Variants in SHROOM2 observed in about 807,000 individuals in gnomAD.
SHROOM2 encodes shroom family member 2.
A neutral mutation model predicts 75.9 loss-of-function variants in SHROOM2; 33 were observed. The ratio of observed to expected loss-of-function variants is 0.43; its 90% confidence interval spans 0.33 to 0.58. SHROOM2 has a LOEUF of 0.58. Ranked by LOEUF, SHROOM2 falls within the 20% of genes least tolerant of loss-of-function variation. SHROOM2 has a pLI of 0.04. For missense variants in SHROOM2, 1,434 were observed against 1,461.2 expected (o/e 0.98, Z 0.30); for synonymous variants, 655 against 663.6 (o/e 0.99, Z 0.20).
intron 8 of SHROOM2, among the ~76,000 whole-genome samples, chrX:9,940,456 G>A (rs1196729798): frequency 8.9e-6 from 1 of 111,963 alleles, no homozygotes; most frequent in African/African-American, 3.2e-5. Context: ...CTGGGAAGCC[G>A]CCTCACCAGA....
At position 9,944,493 on chromosome X, in the gene SHROOM2, T is replaced by C. The variant is rs1022904358; in HGVS notation, c.4312-148T>C. 7 of 497,486 alleles carry C rather than the reference T, an allele frequency of 1.4e-5. No individual in the cohort carries two copies. In the African/African-American group the frequency reaches 1.4e-4, roughly 10 times the overall value. 41.0% of individuals were successfully genotyped at this position (497,486 alleles called of 1,213,427 possible). On this transcript the variant is annotated intron_variant, in intron 8 of 9. Coordinates refer to ENST00000380913, the MANE Select transcript of SHROOM2 (RefSeq NM_001649.4). ...CTTTCCCTTAGTCGTATAAATCCCCTATTATTTGGTGATGCAAAAGTGAGC... is the reference window on the plus strand; with the variant it reads ...CTTTCCCTTAGTCGTATAAATCCCCCATTATTTGGTGATGCAAAAGTGAGC...
rs182193335 is a variant in SHROOM2 at position 9,889,658 on chromosome X, G to C, written c.318-1319G>C. Among the ~76,000 whole-genome samples the C allele has an allele frequency of 3.6e-5, 4 of 112,260 alleles. No homozygotes were observed. The East Asian group carries it at 1.1e-3, about 32-fold the overall frequency. ...CACATGGGATGGTGGGGACTGTGGCGGGGGAGCCCAGGAAAGCTCGTCCAT... is the reference window on the plus strand; with the variant it reads ...CACATGGGATGGTGGGGACTGTGGCCGGGGAGCCCAGGAAAGCTCGTCCAT... On this transcript the variant is annotated intron_variant, in intron 2 of 9. Transcript: ENST00000380913.
At chrX:9,787,977 C>CT (rs1407135225) in intron 1 of SHROOM2, among the ~76,000 whole-genome samples, 1 of 89,922 alleles carries the variant, frequency 1.1e-5, no homozygotes, top group African/African-American at 4.4e-5. Flanking sequence ...CTTTTCTTTT[C>CT]TTTCTTTCTT....
intron 7 of SHROOM2, 34 bp from the exon 8 acceptor site, chrX:9,939,161 C>A (rs1245730966): frequency 1.7e-6 from 2 of 1,166,527 alleles, no homozygotes; most frequent in African/African-American, 3.6e-5. Context: ...CGTGCACAGT[C>A]CCAGCTCATT....
rs780880412 is a variant in SHROOM2, at chrX:9,913,683, G to A, written c.2891+15393G>A. 1.5e-4 allele frequency among the ~76,000 whole-genome samples: 17 copies of A among 112,270 alleles called. No individual in the cohort carries two copies. The South Asian group carries it at 1.8e-3, about 12-fold the overall frequency. ...TCATTTTGAAATGCATGTTTTTAGC[G>A]GTTGTGCTAGTTGAAAGGTAAAAAG... On this transcript the variant is annotated intron_variant, in intron 5 of 9. Coordinates refer to ENST00000380913, the MANE Select transcript of SHROOM2 (RefSeq NM_001649.4).
intron 7 of SHROOM2, among the ~76,000 whole-genome samples, chrX:9,938,036 T>C (rs1166089591): frequency 2.7e-5 from 3 of 110,668 alleles, no homozygotes; most frequent in African/African-American, 3.3e-5. Context: ...GCAATGTCAC[T>C]GTGGGGAGGG....
At chrX:9,839,150 A>G (rs898263958) in intron 1 of SHROOM2, among the ~76,000 whole-genome samples, 10 of 111,629 alleles carry the variant, frequency 9.0e-5, no homozygotes, top group Non-Finnish European at 1.7e-4. Flanking sequence ...GTCACACAAT[A>G]CAGGAGTATT....
At chrX:9,886,330 C>T (rs2084260696) in intron 2 of SHROOM2, among the ~76,000 whole-genome samples, 1 of 112,453 alleles carries the variant, frequency 8.9e-6, no homozygotes, top group African/African-American at 3.2e-5. Context: ...TCCTCTTTCC[C>T]TGGCCTGCAT....
At chrX:9,836,921 C>G (rs987097300) in intron 1 of SHROOM2, among the ~76,000 whole-genome samples, 1 of 112,370 alleles carries the variant, frequency 8.9e-6, no homozygotes, top group African/African-American at 3.2e-5. Context: ...TCCTTTCTGT[C>G]TCTGGACTTG....
At chrX:9,862,512 G>A (rs1161992577) in intron 1 of SHROOM2, among the ~76,000 whole-genome samples, 4 of 110,949 alleles carry the variant, frequency 3.6e-5, no homozygotes, top group Non-Finnish European at 7.6e-5. Context: ...GAAAGCCACC[G>A]AGGAATTGTC....
intron 1 of SHROOM2, among the ~76,000 whole-genome samples, chrX:9,795,089 A>G (rs1432610221): frequency 1.3e-5 from 1 of 78,293 alleles, no homozygotes; most frequent in African/African-American, 4.6e-5. Flanking sequence ...TTTCCCTCTC[A>G]TTTTTCTTTT....
Position 9,939,190 on chromosome X carries a change from C to T in SHROOM2, c.4140-5C>T. The T allele has an allele frequency of 8.3e-7, 1 of 1,198,775 alleles. No individual in the cohort carries two copies. ...GCTCATTGAAGTTCCCACACCTTTACCCAGGAAAGAGGAGCCCAGCGTGCC... is the reference window on the plus strand; with the variant it reads ...GCTCATTGAAGTTCCCACACCTTTATCCAGGAAAGAGGAGCCCAGCGTGCC... On this transcript the variant is annotated splice_polypyrimidine_tract_variant and splice_region_variant and intron_variant, in intron 7 of 9. Transcript: ENST00000380913.
Position 9,937,298 on chromosome X carries a change from G to A in SHROOM2, c.3752G>A (p.Ser1251Asn), listed in dbSNP as rs755205870. 1.3e-5 allele frequency: 16 copies of A among 1,208,233 alleles called. No individual in the cohort carries two copies. The East Asian group carries it at 4.5e-4, about 34-fold the overall frequency. ...GAGAAAGACCAGATCAAGACGCTGA[G>A]CACATCTGAGCAGTTCTACTCGCGC... ...GLEKDQIKTL[S>N]TSEQFYSRFC... Residue 1251 changes from serine to asparagine, a missense_variant, in exon 7 of 10, where the codon AGC becomes AAC. By Grantham distance (46) the Ser-to-Asn change is conservative. Coordinates refer to ENST00000380913, the MANE Select transcript of SHROOM2 (RefSeq NM_001649.4).
chrX:9,846,560 G>T (rs1452388293), intron 1 of SHROOM2, among the ~76,000 whole-genome samples: 2 of 112,137 alleles, frequency 1.8e-5, no homozygotes, highest in African/African-American at 6.5e-5. Context: ...CTCTCAAACT[G>T]CTGGGATTAC....
At chrX:9,836,969 T>G (rs1429187226) in intron 1 of SHROOM2, among the ~76,000 whole-genome samples, 1 of 112,239 alleles carries the variant, frequency 8.9e-6, no homozygotes, top group African/African-American at 3.2e-5. Flanking sequence ...AATCCTGCAG[T>G]ATGTGGTGTT....
At chrX:9,792,114 TA>T in intron 1 of SHROOM2, among the ~76,000 whole-genome samples, 1 of 19,414 alleles carries the variant, frequency 5.2e-5, no homozygotes, top group African/African-American at 1.4e-4. Flanking sequence ...TAGAATAGAA[TA>T]GAATAGAATA....
Position 9,787,616 on chromosome X carries a change from C to G in SHROOM2, c.165+906C>G, listed in dbSNP as rs2083622409. Among the ~76,000 whole-genome samples the G allele has an allele frequency of 2.7e-5, 3 of 112,443 alleles. No homozygotes were observed. The Admixed American group carries it at 2.8e-4, about 11-fold the overall frequency. ...TAATTTACTGGTTTTCTCGGCTTTC[C>G]TGCCTCTCCACAGCAGGAAGAAATT... is the stretch of plus-strand genomic sequence containing the variant. On this transcript the variant is annotated intron_variant, in intron 1 of 9. Coordinates refer to ENST00000380913, the MANE Select transcript of SHROOM2 (RefSeq NM_001649.4).
In SHROOM2 at chrX:9,896,411, A is replaced by G; in HGVS notation, c.2503A>G (p.Thr835Ala). The G allele has an allele frequency of 2.5e-6, 3 of 1,212,396 alleles. No individual in the cohort carries two copies. Residue 835 changes from threonine to alanine, a missense_variant, in exon 4 of 10, where the codon ACA (threonine) becomes GCA (alanine). Thr to Ala is a moderately conservative substitution (Grantham distance 58). Coordinates refer to ENST00000380913, the MANE Select transcript of SHROOM2 (RefSeq NM_001649.4). ...AGAGAGGCCGCGGACAGCGGGCCGC[A>G]CATGTGAGGGCACGGAGCCCTGGTC... ...KPERPRTAGR[T>A]CEGTEPWSRT...
intron 1 of SHROOM2, among the ~76,000 whole-genome samples, chrX:9,859,261 C>G (rs1233245234): frequency 9.9e-6 from 1 of 101,039 alleles, no homozygotes; most frequent in African/African-American, 3.6e-5. Context: ...TTTTTTCCTC[C>G]TGTAGTGCTA....
Sources: allele counts gnomAD v4.1 joint callset (sites outside exome capture counted in the v4.1 genomes callset), GRCh38; gene constraint gnomAD v4.1.1; transcripts MANE v1.5; gene names NCBI Gene and HGNC (gene_info 2026-07-23, HGNC 2026-07-21).